NCMAP: variants seen among roughly 807,000 people sequenced by gnomAD.
NCMAP encodes the protein non-compact myelin associated protein.
In NCMAP, 8 loss-of-function variants were observed where a neutral mutation model predicts 7.8. The observed-to-expected ratio is 1.02, with a 90% CI of 0.60 to 1.84. The LOEUF (loss-of-function observed/expected upper bound fraction) is 1.84, where lower values mean the gene tolerates loss of function less well. Among genes scored for constraint, NCMAP ranks in the 40% most tolerant of loss-of-function variants. The pLI is 0.00. For synonymous variants in NCMAP, 41 were observed against 52.9 expected, an observed-to-expected ratio of 0.78 and a Z score of 0.98; for missense variants, 112 against 131.4, an observed-to-expected ratio of 0.85 and a Z score of 0.72.
intron 3 of NCMAP, 38 bp from the exon 4 acceptor site, chr1:24,605,568 G>C (rs1037473753): frequency 6.2e-7 from 1 of 1,605,882 alleles, no homozygotes; most frequent in South Asian, 1.1e-5. Flanking sequence ...GGCATACCAG[G>C]GGAAAGACTC....
intron 3 of NCMAP, among the ~76,000 whole-genome samples, chr1:24,603,016 G>A (rs1652562979): frequency 6.6e-6 from 1 of 151,972 alleles, no homozygotes. Flanking sequence ...CTCCAGCCTG[G>A]ATGACAATGT....
In NCMAP at chr1:24,602,569, C is replaced by CAAAA. The variant is rs10630961; in HGVS notation, c.167+1565_167+1568dup. ...TGGGCGACAGAACGAGACTCCATCT[C>CAAAA]AAAAAAAAAAAAAAAAAAAAAAAGA... On this transcript the variant is annotated intron_variant, in intron 3 of 3. Coordinates refer to ENST00000374392, the MANE Select transcript of NCMAP (RefSeq NM_001010980.5). Among the ~76,000 whole-genome samples, 284 of 39,960 alleles carry CAAAA rather than the reference C, an allele frequency of 7.1e-3. 15 individuals are homozygous for CAAAA. Among genetic ancestry groups the CAAAA allele is most frequent in the African/African-American group, 0.011 (77 of 6,872 alleles). The allele number at this position is 39,960 out of a possible 152,430, so 26.2% of individuals were successfully genotyped here.
chr1:24,605,022 A>G (rs903148157), intron 3 of NCMAP, among the ~76,000 whole-genome samples: 9 of 152,074 alleles, frequency 5.9e-5, no homozygotes, highest in African/African-American at 1.9e-4. Context: ...AGGCTGAGGC[A>G]GGAGAATCGC....
chr1:24,580,189 G>A (rs1291336089), intron 1 of NCMAP, among the ~76,000 whole-genome samples: 4 of 152,340 alleles, frequency 2.6e-5, no homozygotes, highest in African/African-American at 7.2e-5. Flanking sequence ...CAGCCACGGC[G>A]GGTACTGGGC....
rs1049726178 is a variant in NCMAP at position 24,557,446 on chromosome 1, CGTGTGTGCGT to C, written c.-8+1295_-8+1304del. 4.3e-3 allele frequency among the ~76,000 whole-genome samples: 651 copies of C among 150,970 alleles called. 6 individuals carry two copies. The highest frequency in any genetic ancestry group is 0.014 in the African/African-American group (588 of 41,136). On this transcript the variant is annotated intron_variant, in intron 1 of 3. Coordinates refer to ENST00000374392, the MANE Select transcript of NCMAP (RefSeq NM_001010980.5). ...ATGTGTGTGCATGTGGGTGTGTGCA[CGTGTGTGCGT>C]GTGTGTGCGTGTGTGTGTTGGTGGT...
rs1359009529 is a variant in NCMAP at position 24,572,073 on chromosome 1, A to G, written c.-8+15904A>G. On this transcript the variant is annotated intron_variant, in intron 1 of 3. Transcript: ENST00000374392. ...GATCTAGATGCTGCTGGGTGGTGAA[A>G]GCCTGGCTGAGGATTGGGACTTCAT... 2.0e-5 allele frequency among the ~76,000 whole-genome samples: 3 copies of G among 150,658 alleles called. 1 individual carries two copies. The highest frequency in any genetic ancestry group is 7.5e-5 in the African/African-American group (3 of 40,000).
chr1:24,556,610 G>C (rs1460100666), intron 1 of NCMAP, among the ~76,000 whole-genome samples: 1 of 152,158 alleles, frequency 6.6e-6, no homozygotes, highest in Non-Finnish European at 1.5e-5. Context: ...GAAGATCTGC[G>C]ATTCAGCGAG....
intron 3 of NCMAP, among the ~76,000 whole-genome samples, chr1:24,602,473 G>A (rs1652537518): frequency 7.1e-6 from 1 of 141,416 alleles, no homozygotes; most frequent in Non-Finnish European, 1.5e-5. Flanking sequence ...GGGAGGCTGA[G>A]GCAGGAGAAT....
rs1416583522 is a variant in NCMAP at position 24,595,438 on chromosome 1, C to T, written c.8C>T (p.Thr3Ile). 5 of 1,613,102 alleles carry T rather than the reference C, an allele frequency of 3.1e-6. No homozygotes were observed. Among genetic ancestry groups the T allele is most frequent in the Non-Finnish European group, 3.4e-6 (4 of 1,179,170 alleles). ...TTTCTCATCAGGATCGAGATGACCA[C>T]AGCCACCCCTCTGGGGGATACCACC... MT[T>I]ATPLGDTTFF... Residue 3 changes from threonine (T) to isoleucine (I), a missense_variant, in exon 2 of 4, where the codon ACA (threonine) becomes ATA (isoleucine). Physicochemically the swap from Thr to Ile is moderately conservative, Grantham distance 89. Transcript: ENST00000374392.
chr1:24,599,828 C>A (rs1652409462), intron 2 of NCMAP, among the ~76,000 whole-genome samples: 1 of 80,462 alleles, frequency 1.2e-5, no homozygotes, highest in Non-Finnish European at 3.0e-5. Flanking sequence ...CGCCCCCCCC[C>A]CCCCCCCCCC....
rs2148922877 is a variant in NCMAP at position 24,556,100 on chromosome 1, G to C, written c.-77G>C. 6.5e-6 allele frequency: 1 copy of C among 153,088 alleles called. No homozygotes were observed. The highest frequency in any genetic ancestry group is 1.9e-4 in the East Asian group (1 of 5,186). 9.5% of individuals were successfully genotyped at this position (153,088 alleles called of 1,614,324 possible). A position where few individuals can be genotyped will look rare whatever the true frequency, so the allele number is the denominator to read the frequency against. On this transcript the variant is annotated 5_prime_UTR_variant, in exon 1 of 4. Coordinates refer to ENST00000374392, the MANE Select transcript of NCMAP (RefSeq NM_001010980.5). ...CGGGATCCCAGGGTGGCAGCGCCGGGCGGCGGCGGGGACCCTGGCTGGGAG... is the reference window on the plus strand; with the variant it reads ...CGGGATCCCAGGGTGGCAGCGCCGGCCGGCGGCGGGGACCCTGGCTGGGAG...
rs1285439291 is a variant in NCMAP at position 24,608,314 on chromosome 1, G to A, written c.*2567G>A. 6.6e-6 allele frequency: 1 copy of A among 152,198 alleles called. No individual in the cohort carries two copies. Among genetic ancestry groups the A allele is most frequent in the African/African-American group, 2.4e-5 (1 of 41,452 alleles). The allele number at this position is 152,198 out of a possible 1,614,324, so 9.4% of individuals were successfully genotyped here. ...TCAAAGCAGCACAGATTCTTTATGG[G>A]CTGAACAAGGGGAGTACGGGTTTGT... On this transcript the variant is annotated 3_prime_UTR_variant, in exon 4 of 4. Coordinates refer to ENST00000374392, the MANE Select transcript of NCMAP (RefSeq NM_001010980.5).
At position 24,584,601 on chromosome 1, in the gene NCMAP, C is replaced by T. The variant is rs115835866; in HGVS notation, c.-7-10823C>T. 8.7e-3 allele frequency among the ~76,000 whole-genome samples: 1,318 copies of T among 151,882 alleles called. 23 individuals are homozygous for T. Among genetic ancestry groups the T allele is most frequent in the African/African-American group, 0.03 (1,252 of 41,414 alleles). ...CCCAGACTTCTGGAGCCACAGGCTG[C>T]GGCTTTTGCCATAGGACTGCAGTAT... is the stretch of plus-strand genomic sequence containing the variant. On this transcript the variant is annotated intron_variant, in intron 1 of 3. Transcript: ENST00000374392.
At chr1:24,570,269 C>T (rs1651350105) in intron 1 of NCMAP, among the ~76,000 whole-genome samples, 1 of 150,672 alleles carries the variant, frequency 6.6e-6, no homozygotes, top group African/African-American at 2.5e-5. Context: ...AAACAATATG[C>T]TTTTTGCTTA....
intron 1 of NCMAP, among the ~76,000 whole-genome samples, chr1:24,568,641 GAA>G (rs1011861721): frequency 1.3e-5 from 2 of 152,178 alleles, no homozygotes; most frequent in African/African-American, 4.8e-5. Context: ...CCACTTTACA[GAA>G]AAGGAGATGA....
In NCMAP at chr1:24,605,747, ACCTCTACCCTGG is replaced by A. The variant is rs750522775; in HGVS notation, c.*2_*13del. 1.2e-6 allele frequency: 2 copies of A among 1,614,102 alleles called. No homozygotes were observed. The highest frequency in any genetic ancestry group is 1.7e-6 in the Non-Finnish European group (2 of 1,180,000). On this transcript the variant is annotated 3_prime_UTR_variant, in exon 4 of 4. Transcript: ENST00000374392. ...TTGACGTCCAGGTGGAGACGCGATG[ACCTCTACCCTGG>A]CGCTATCTCCACCACTGTCCAAAGA...
At chr1:24,565,464 A>G (rs138198678) in intron 1 of NCMAP, among the ~76,000 whole-genome samples, 182 of 152,166 alleles carry the variant, frequency 1.2e-3, no homozygotes, top group African/African-American at 3.1e-3. Context: ...GGGAGGTGAC[A>G]TTGTCTAGCT....
chr1:24,602,397 C>A (rs1320170175), intron 3 of NCMAP, among the ~76,000 whole-genome samples: 1 of 147,076 alleles, frequency 6.8e-6, no homozygotes, highest in East Asian at 2.0e-4. Flanking sequence ...GGTGAAACCC[C>A]GTCTCTACTA....
intron 2 of NCMAP, among the ~76,000 whole-genome samples, chr1:24,597,899 T>A (rs1483396535): frequency 2.0e-5 from 3 of 152,116 alleles, no homozygotes; most frequent in Non-Finnish European, 4.4e-5. Flanking sequence ...AAATTCTGAT[T>A]TTATCTGGCA....
Sources: allele counts gnomAD v4.1 joint callset (sites outside exome capture counted in the v4.1 genomes callset), GRCh38; gene constraint gnomAD v4.1.1; transcripts MANE v1.5; gene names NCBI Gene and HGNC (gene_info 2026-07-23, HGNC 2026-07-21).